The following ITPK1 variants were observed in gnomAD, a reference collection of about 807,000 sequenced individuals.
ITPK1 encodes the protein inositol-tetrakisphosphate 1-kinase.
ITPK1 carries 21 observed loss-of-function variants against 45.3 expected under a neutral mutation model. The observed-to-expected ratio is 0.46, with a 90% CI of 0.33 to 0.67. The LOEUF (loss-of-function observed/expected upper bound fraction) is 0.67, where lower values mean the gene tolerates loss of function less well. ITPK1 is among the 30% of genes least tolerant of loss of function. ITPK1 has a pLI of 0.02. For synonymous variants in ITPK1, 258 were observed against 253.6 expected (o/e 1.02, Z -0.16); for missense variants, 474 against 573.5 (o/e 0.83, Z 1.77).
intron 10 of ITPK1, among the ~76,000 whole-genome samples, chr14:92,944,725 C>T (rs1887599392): frequency 6.6e-6 from 1 of 152,204 alleles, no homozygotes; most frequent in African/African-American, 2.4e-5. Flanking sequence ...ACGTCCCTTG[C>T]ATTATCCTGA....
rs117491126 is a variant in ITPK1 at position 93,036,308 on chromosome 14, C to G, written c.121-19507G>C. 0.027 allele frequency among the ~76,000 whole-genome samples: 4,172 copies of G among 152,282 alleles called. 98 individuals are homozygous for G. Among genetic ancestry groups the G allele is most frequent in the Admixed American group, 0.085 (1,300 of 15,292 alleles). On this transcript the variant is annotated intron_variant, in intron 3 of 10. Coordinates refer to ENST00000267615, the MANE Select transcript of ITPK1 (RefSeq NM_014216.6). The surrounding 1 kb of genome is among the most constrained non-coding windows in gnomAD (Gnocchi z 4.1). ...GTGGACTGCAATGTCTAAAGGGCAT[C>G]CGGTTGAGGCCACAAGGTCATGCTC...
At chr14:93,017,644 C>T (rs868494880) in intron 3 of ITPK1, among the ~76,000 whole-genome samples, 5 of 152,222 alleles carry the variant, frequency 3.3e-5, no homozygotes, top group African/African-American at 1.2e-4. Context: ...GCCAGTGCCT[C>T]GGAGGCAGCG....
intron 3 of ITPK1, among the ~76,000 whole-genome samples, chr14:93,025,626 T>G (rs1209658446): frequency 6.6e-6 from 1 of 152,244 alleles, no homozygotes; most frequent in Non-Finnish European, 1.5e-5. Flanking sequence ...GCCAATATTT[T>G]CATAATTCTC....
At chr14:93,008,624 C>T in intron 4 of ITPK1, among the ~76,000 whole-genome samples, 1 of 152,192 alleles carries the variant, frequency 6.6e-6, no homozygotes, top group Non-Finnish European at 1.5e-5. Flanking sequence ...TCAGCAGAGG[C>T]CCAGCGCGTG....
chr14:92,940,998 C>G lies in ITPK1; in HGVS notation c.*563G>C. 2 of 1,270,178 alleles carry G rather than the reference C, an allele frequency of 1.6e-6. No homozygotes were observed. Among genetic ancestry groups the G allele is most frequent in the South Asian group, 2.5e-5 (2 of 78,684 alleles). 78.7% of individuals were successfully genotyped at this position (1,270,178 alleles called of 1,614,324 possible). On this transcript the variant is annotated 3_prime_UTR_variant, in exon 11 of 11. Transcript: ENST00000267615. ...CTGAGGGGTCTGTGGCCTCCTCTGG[C>G]TGTGGGGAGGGAGGGGTTAGCTGCA... is the stretch of plus-strand genomic sequence containing the variant.
chr14:92,945,983 G>A (rs1476546844), intron 10 of ITPK1, among the ~76,000 whole-genome samples: 4 of 152,204 alleles, frequency 2.6e-5, no homozygotes, highest in East Asian at 1.9e-4. Flanking sequence ...TAAACTGCAG[G>A]GGGCTGTAAT....
intron 2 of ITPK1, among the ~76,000 whole-genome samples, chr14:93,109,603 C>A (rs1246166996): frequency 6.6e-6 from 1 of 152,208 alleles, no homozygotes; most frequent in Non-Finnish European, 1.5e-5. Context: ...CAAGTAGCAT[C>A]TTAACATAAA....
chr14:93,088,891 T>C (rs915737417), intron 2 of ITPK1, among the ~76,000 whole-genome samples: 3 of 151,972 alleles, frequency 2.0e-5, no homozygotes, highest in African/African-American at 4.8e-5. Flanking sequence ...TCTAAACCCA[T>C]CCAAATACCA....
At chr14:92,981,951 T>C (rs1446950863) in intron 5 of ITPK1, among the ~76,000 whole-genome samples, 1 of 152,110 alleles carries the variant, frequency 6.6e-6, no homozygotes, top group Admixed American at 6.5e-5. Flanking sequence ...CAGAACACCA[T>C]GGACAAAGGC....
chr14:92,961,227 A>G (rs1362217422), intron 7 of ITPK1, among the ~76,000 whole-genome samples: 2 of 152,218 alleles, frequency 1.3e-5, no homozygotes, highest in African/African-American at 4.8e-5. Flanking sequence ...GACCCCAGGC[A>G]GTGCTGTGTC....
chr14:92,975,203 G>C (rs1384069671), intron 5 of ITPK1, among the ~76,000 whole-genome samples: 1 of 152,234 alleles, frequency 6.6e-6, no homozygotes, highest in Non-Finnish European at 1.5e-5. Context: ...CCATGGCCAA[G>C]GGCCTGCCTA....
intron 5 of ITPK1, among the ~76,000 whole-genome samples, chr14:92,966,911 G>A (rs1885399428): frequency 2.0e-5 from 3 of 152,192 alleles, no homozygotes; most frequent in Admixed American, 1.3e-4. Flanking sequence ...AATGAAGATG[G>A]AACCCTACTT....
At chr14:92,994,280 C>T (rs1326172115) in intron 4 of ITPK1, among the ~76,000 whole-genome samples, 2 of 152,202 alleles carry the variant, frequency 1.3e-5, no homozygotes, top group Non-Finnish European at 2.9e-5. Flanking sequence ...AAACCTCACC[C>T]GGAAGCAGAT....
rs188078672 is a variant in ITPK1 at position 93,106,243 on chromosome 14, C to T, written c.95+8826G>A. 6.2e-5 allele frequency among the ~76,000 whole-genome samples: 9 copies of T among 146,122 alleles called. No individual in the cohort carries two copies. In the East Asian group the frequency reaches 7.8e-4, roughly 13 times the overall value. On this transcript the variant is annotated intron_variant, in intron 2 of 10. Transcript: ENST00000267615. ...CAAAGGCTGGACTGAACCAGACCCA[C>T]GGGGAGCATTTTGTCTTCCTATCCC... is the stretch of plus-strand genomic sequence containing the variant.
chr14:93,051,119 C>A (rs1196137749), intron 3 of ITPK1, among the ~76,000 whole-genome samples: 2 of 152,132 alleles, frequency 1.3e-5, no homozygotes, highest in Non-Finnish European at 2.9e-5. Flanking sequence ...CACACTCCAC[C>A]CCCAGGACCT....
At chr14:92,959,219 G>C (rs1884920741) in intron 7 of ITPK1, among the ~76,000 whole-genome samples, 1 of 152,226 alleles carries the variant, frequency 6.6e-6, no homozygotes, top group African/African-American at 2.4e-5. Flanking sequence ...TAAGGACAGA[G>C]GGGTGGGCCC....
chr14:93,065,263 A>C (rs1032675860), intron 3 of ITPK1, among the ~76,000 whole-genome samples: 1 of 152,158 alleles, frequency 6.6e-6, no homozygotes, highest in Admixed American at 6.5e-5. Context: ...TTACTCATGA[A>C]AATAAATCAA....
chr14:93,015,380 G>T (rs1888125990), intron 4 of ITPK1, among the ~76,000 whole-genome samples: 1 of 152,204 alleles, frequency 6.6e-6, no homozygotes, highest in Non-Finnish European at 1.5e-5. Context: ...AGGGACTCAG[G>T]AAGCAGCACA....
rs1030212063 is a variant in ITPK1, at chr14:93,042,941, C to T, written c.121-26140G>A. On this transcript the variant is annotated intron_variant, in intron 3 of 10. Transcript: ENST00000267615. ...GCTGAGGCAAGAGAATAGCTTGAAC[C>T]CAGGAGGCGGAGGTTGTAGTGAGCC... is the stretch of plus-strand genomic sequence containing the variant. Among the ~76,000 whole-genome samples the T allele has an allele frequency of 3.3e-5, 5 of 152,042 alleles. No homozygotes were observed. In the East Asian group the frequency reaches 9.6e-4, roughly 29 times the overall value.
Sources: gnomAD v4.1 joint callset for allele counts (sites outside exome capture counted in the v4.1 genomes callset) on GRCh38, gnomAD v4.1.1 for gene constraint, Gnocchi (gnomAD v3.1) non-coding constraint, MANE v1.5 for transcripts, NCBI Gene and HGNC (gene_info 2026-07-23, HGNC 2026-07-21) for gene names.